The following EHMT1 variants were observed in gnomAD, a reference collection of about 807,000 sequenced individuals.
The protein encoded by EHMT1 is histone-lysine N-methyltransferase EHMT1.
Under a neutral mutation model 147.2 loss-of-function variants are expected in EHMT1, and 15 were observed. That is an observed-to-expected ratio of 0.10 (90% CI 0.07 to 0.16). The LOEUF (loss-of-function observed/expected upper bound fraction) is 0.16, where lower values mean the gene tolerates loss of function less well. Among genes scored for constraint, EHMT1 ranks in the 10% least tolerant of loss-of-function variants. The pLI, the probability that EHMT1 is intolerant of heterozygous loss-of-function variation, is 1.00. For synonymous variants in EHMT1, 795 were observed against 709.6 expected, an observed-to-expected ratio of 1.12 and a Z score of -1.91; for missense variants, 1,587 against 1,772.4, an observed-to-expected ratio of 0.90 and a Z score of 1.88.
chr9:137,706,768 A>G (rs1018099237), intron 1 of EHMT1, among the ~76,000 whole-genome samples: 1 of 150,664 alleles, frequency 6.6e-6, no homozygotes, highest in African/African-American at 2.4e-5. Flanking sequence ...ATTGCAAGCG[A>G]GAGCCACTGT....
intron 25 of EHMT1, among the ~76,000 whole-genome samples, chr9:137,825,827 C>T (rs1247059759): frequency 3.9e-5 from 6 of 152,024 alleles, no homozygotes; most frequent in Non-Finnish European, 8.8e-5. Context: ...TCATTCTTGT[C>T]GTCTACACCG....
chr9:137,654,716 A>AG (rs1179510670), intron 1 of EHMT1, among the ~76,000 whole-genome samples: 2 of 152,180 alleles, frequency 1.3e-5, no homozygotes, highest in East Asian at 3.9e-4. Flanking sequence ...ACATGCCTGA[A>AG]GGCTTGAGTA....
rs375445137 is a variant in EHMT1, at chr9:137,714,371, CTA to C, written c.86-2254_86-2253del. On this transcript the variant is annotated intron_variant, in intron 2 of 26. Transcript: ENST00000460843. ...TGAAGGGGTGTTCATTTTTTCCTGT[CTA>C]ATGAGATGCTTGTGTGGTTTTGTCC... Among the ~76,000 whole-genome samples the C allele has an allele frequency of 3.0e-3, 455 of 152,154 alleles. 2 individuals are homozygous for C. Among genetic ancestry groups the C allele is most frequent in the Admixed American group, 7.0e-3 (107 of 15,274 alleles).
intron 9 of EHMT1, among the ~76,000 whole-genome samples, chr9:137,761,681 T>A (rs555586271): frequency 1.8e-3 from 267 of 152,182 alleles, no homozygotes; most frequent in Non-Finnish European, 3.2e-3. Flanking sequence ...AGGGTCTCGA[T>A]CTCCTGACCT....
chr9:137,740,923 C>G (rs1948001665), intron 4 of EHMT1, among the ~76,000 whole-genome samples: 1 of 151,738 alleles, frequency 6.6e-6, no homozygotes, highest in Non-Finnish European at 1.5e-5. Flanking sequence ...CTGCCTCAGA[C>G]TCCTCAGTAG....
chr9:137,664,764 G>A (rs1305543030), intron 1 of EHMT1: 1 of 152,212 alleles, frequency 6.6e-6, no homozygotes, highest in Non-Finnish European at 1.5e-5. Context: ...GGGTTTCTGT[G>A]TGGGTTGCAG....
chr9:137,687,684 G>A (rs1007793583), intron 1 of EHMT1, among the ~76,000 whole-genome samples: 54 of 152,312 alleles, frequency 3.5e-4, no homozygotes, highest in Admixed American at 1.8e-3. Context: ...GCGAGGACAC[G>A]GCAAGAAGAT....
intron 8 of EHMT1, 114 bp from the exon 9 acceptor site, chr9:137,757,766 G>A (rs1475183150): frequency 1.3e-6 from 2 of 1,496,960 alleles, no homozygotes; most frequent in African/African-American, 2.8e-5. Context: ...GGTTTTGAAT[G>A]GATTAATTAG....
rs188161761 is a variant in EHMT1 at position 137,641,672 on chromosome 9, C to T, written c.21+22623C>T. 320 of 206,254 alleles carry T rather than the reference C, an allele frequency of 1.6e-3. 1 individual carries two copies. Among genetic ancestry groups the T allele is most frequent in the Non-Finnish European group, 2.6e-3 (262 of 102,582 alleles). The allele number at this position is 206,254 out of a possible 1,614,324, so 12.8% of individuals were successfully genotyped here. ...CTCGTGGGCTTGGTTGCCGCTTGTT[C>T]TGTTCCTCTCTTCCTCTGGCCTCTG... On this transcript the variant is annotated intron_variant, in intron 1 of 26. Coordinates refer to ENST00000460843, the MANE Select transcript of EHMT1 (RefSeq NM_024757.5).
intron 10 of EHMT1, among the ~76,000 whole-genome samples, chr9:137,765,078 G>A (rs1297055049): frequency 6.6e-6 from 1 of 152,284 alleles, no homozygotes; most frequent in Admixed American, 6.5e-5. Flanking sequence ...GCGGCCGCCT[G>A]TCCGCCCGAA....
chr9:137,645,633 T>C (rs1844830323), intron 1 of EHMT1, among the ~76,000 whole-genome samples: 2 of 152,192 alleles, frequency 1.3e-5, no homozygotes, highest in East Asian at 3.8e-4. Flanking sequence ...TGTGTTTCCA[T>C]CTCTGCTGCA....
At chr9:137,673,035 G>C (rs146037420) in intron 1 of EHMT1, among the ~76,000 whole-genome samples, 1 of 152,314 alleles carries the variant, frequency 6.6e-6, no homozygotes, top group Non-Finnish European at 1.5e-5. Context: ...GGCTGACACC[G>C]GGCTGGATGG....
At chr9:137,780,682 C>T (rs1213477642) in intron 14 of EHMT1, among the ~76,000 whole-genome samples, 5 of 58,444 alleles carry the variant, frequency 8.6e-5, no homozygotes, top group African/African-American at 1.8e-4. Context: ...GACGCCGAGA[C>T]GTGTGGTGAT....
chr9:137,632,198 T>C lies in EHMT1; in HGVS notation c.21+13149T>C, dbSNP rs78371127. 2.0e-3 allele frequency among the ~76,000 whole-genome samples: 299 copies of C among 152,354 alleles called. 1 individual carries two copies. Among genetic ancestry groups the C allele is most frequent in the Non-Finnish European group, 2.4e-3 (165 of 68,032 alleles). Reference sequence around the variant, plus strand: ...GTCACTTAGATGCAGTAGATGTTACTGTCCTGTCGAGGGGTTCGATGACTT... The same window carrying C: ...GTCACTTAGATGCAGTAGATGTTACCGTCCTGTCGAGGGGTTCGATGACTT... On this transcript the variant is annotated intron_variant, in intron 1 of 26. Coordinates refer to ENST00000460843, the MANE Select transcript of EHMT1 (RefSeq NM_024757.5).
At chr9:137,737,049 C>T (rs1273128391) in intron 4 of EHMT1, among the ~76,000 whole-genome samples, 3 of 151,956 alleles carry the variant, frequency 2.0e-5, no homozygotes, top group South Asian at 2.1e-4. Context: ...AAAAAAAATA[C>T]AAAAATTAGC....
chr9:137,798,651 C>T (rs575927118), intron 16 of EHMT1, among the ~76,000 whole-genome samples, 162 bp from the exon 17 acceptor site: 1 of 152,318 alleles, frequency 6.6e-6, no homozygotes, highest in African/African-American at 2.4e-5. Context: ...GCGCTTGGAC[C>T]TCGGCTGTTC....
chr9:137,752,696 T>C (rs1411311875), intron 7 of EHMT1, among the ~76,000 whole-genome samples: 1 of 151,086 alleles, frequency 6.6e-6, no homozygotes, highest in Non-Finnish European at 1.5e-5. Context: ...AGGGAGAGGG[T>C]GTGGTGGGAG....
chr9:137,679,042 C>G (rs1322262221), intron 1 of EHMT1, among the ~76,000 whole-genome samples: 3 of 152,180 alleles, frequency 2.0e-5, no homozygotes, highest in Non-Finnish European at 4.4e-5. Context: ...TAATCTCCGC[C>G]TCCCGGGTTC....
intron 6 of EHMT1, among the ~76,000 whole-genome samples, chr9:137,751,496 C>G (rs375464008): frequency 6.6e-6 from 1 of 152,130 alleles, no homozygotes; most frequent in Non-Finnish European, 1.5e-5. Flanking sequence ...GCCTGTCCAC[C>G]GGGAAATGCA....
Sources: allele counts gnomAD v4.1 joint callset (sites outside exome capture counted in the v4.1 genomes callset), GRCh38; gene constraint gnomAD v4.1.1; transcripts MANE v1.5; gene names NCBI Gene and HGNC (gene_info 2026-07-23, HGNC 2026-07-21).